The following DDX19B variants were observed in gnomAD, a reference collection of about 807,000 sequenced individuals.
DDX19B encodes the protein ATP-dependent RNA helicase DDX19B.
DDX19B carries 27 observed loss-of-function variants against 58.1 expected under a neutral mutation model. The observed-to-expected ratio is 0.46, with a 90% CI of 0.34 to 0.64. The LOEUF (loss-of-function observed/expected upper bound fraction) is 0.64, where lower values mean the gene tolerates loss of function less well. DDX19B is among the 30% of genes least tolerant of loss of function. The pLI is 0.01. For synonymous variants in DDX19B, 187 were observed against 214.4 expected, an observed-to-expected ratio of 0.87 and a Z score of 1.12; for missense variants, 399 against 596.5, an observed-to-expected ratio of 0.67 and a Z score of 3.45.
At chr16:70,310,081 A>C (rs1189932625) in intron 1 of DDX19B, among the ~76,000 whole-genome samples, 1 of 151,334 alleles carries the variant, frequency 6.6e-6, no homozygotes, top group Non-Finnish European at 1.5e-5. Flanking sequence ...CCAACTCTAC[A>C]ATAAAAGATT....
intron 5 of DDX19B, among the ~76,000 whole-genome samples, chr16:70,318,513 C>G (rs1366073663): frequency 6.6e-6 from 1 of 151,928 alleles, no homozygotes; most frequent in Non-Finnish European, 1.5e-5. Flanking sequence ...ACATATATGA[C>G]CGGGGTGGTG....
chr16:70,327,226 G>A (rs1021274664), intron 7 of DDX19B, among the ~76,000 whole-genome samples: 4 of 151,746 alleles, frequency 2.6e-5, no homozygotes, highest in Non-Finnish European at 4.4e-5. Context: ...GCCACACCCA[G>A]CTAATTTTCT....
chr16:70,298,680 A>G (rs1961323134), upstream of DDX19B, among the ~76,000 whole-genome samples: 1 of 151,808 alleles, frequency 6.6e-6, no homozygotes. Context: ...CATTCTCCTG[A>G]TTCTACAACG....
At chr16:70,321,181 C>T (rs1962784269) in intron 5 of DDX19B, among the ~76,000 whole-genome samples, 3 of 151,900 alleles carry the variant, frequency 2.0e-5, no homozygotes, top group African/African-American at 4.8e-5. Context: ...AGGCTGGTCT[C>T]GAACTCCCAA....
At chr16:70,305,978 T>C (rs532760776) in intron 1 of DDX19B, among the ~76,000 whole-genome samples, 25 of 152,210 alleles carry the variant, frequency 1.6e-4, no homozygotes, top group Middle Eastern at 3.4e-3. Context: ...TTAGCCAGGA[T>C]GGTCTCGATC....
chr16:70,328,652 C>T lies in DDX19B; in HGVS notation c.608-640C>T, dbSNP rs537840381. Among the ~76,000 whole-genome samples, 5 of 151,956 alleles carry T rather than the reference C, an allele frequency of 3.3e-5. No homozygotes were observed. The South Asian group carries it at 6.2e-4, about 19-fold the overall frequency. On this transcript the variant is annotated intron_variant, in intron 7 of 11. Transcript: ENST00000288071. ...TGCTGGGATTACAGGCATGAGCCAC[C>T]GTGCCCGGCCCTTTTAGTTATTTTT...
At chr16:70,333,404 G>C in intron 11 of DDX19B, 117 bp from the exon 12 acceptor site, 2 of 1,449,484 alleles carry the variant, frequency 1.4e-6, no homozygotes, top group Non-Finnish European at 1.9e-6. Context: ...AGTGACTAGG[G>C]GCCCTGCTGC....
At chr16:70,311,716 C>T (rs1962103491) in intron 1 of DDX19B, among the ~76,000 whole-genome samples, 1 of 152,222 alleles carries the variant, frequency 6.6e-6, no homozygotes, top group Non-Finnish European at 1.5e-5. Flanking sequence ...TTCCCAACTA[C>T]AGTATCAGAC....
At chr16:70,294,682 C>T (rs9921477), upstream of DDX19B, 473 of 484,924 alleles carry the variant, frequency 9.8e-4, 3 homozygotes, top group African/African-American at 8.4e-3. Flanking sequence ...GGGAGGCTTG[C>T]GCTTGTCTTT....
chr16:70,322,588 CAAAAAAAAAAAA>C (rs568610716), intron 5 of DDX19B, among the ~76,000 whole-genome samples: 1 of 47,510 alleles, frequency 2.1e-5, no homozygotes, highest in Non-Finnish European at 4.0e-5. Flanking sequence ...GACCTTGTCT[CAAAAAAAAAAAA>C]AAAAAAAAAA....
upstream of DDX19B, among the ~76,000 whole-genome samples, chr16:70,290,991 C>T (rs574993816): frequency 1.3e-4 from 20 of 152,234 alleles, no homozygotes; most frequent in African/African-American, 4.6e-4. Flanking sequence ...ACAGACAATA[C>T]AGAAAAATAC....
chr16:70,308,205 G>T (rs556826114), intron 1 of DDX19B, among the ~76,000 whole-genome samples: 11 of 147,458 alleles, frequency 7.5e-5, no homozygotes, highest in African/African-American at 2.8e-4. Context: ...CACCTGCCTC[G>T]GCCTCCCAAA....
At chr16:70,314,450 C>T (rs1962259130) in intron 2 of DDX19B, among the ~76,000 whole-genome samples, 1 of 152,030 alleles carries the variant, frequency 6.6e-6, no homozygotes, top group South Asian at 2.1e-4. Context: ...ATCACGAGGT[C>T]AAGAGATCAA....
chr16:70,292,759 T>G (rs1429808774), upstream of DDX19B, among the ~76,000 whole-genome samples: 1 of 152,136 alleles, frequency 6.6e-6, no homozygotes. Context: ...ACCAAAGAAC[T>G]GAAATAGTAC....
intron 1 of DDX19B, among the ~76,000 whole-genome samples, chr16:70,300,213 T>A (rs1961418548): frequency 7.6e-6 from 1 of 132,410 alleles, no homozygotes; most frequent in Admixed American, 6.9e-5. Flanking sequence ...GCAACTCCTT[T>A]TTTTTTTTTG....
chr16:70,314,311 C>G (rs775995454), intron 2 of DDX19B, among the ~76,000 whole-genome samples: 1 of 151,902 alleles, frequency 6.6e-6, no homozygotes, highest in Admixed American at 6.6e-5. Context: ...AGTATTGATT[C>G]AATGAGGGAA....
At chr16:70,301,972 G>A (rs1215399458) in intron 1 of DDX19B, among the ~76,000 whole-genome samples, 1 of 150,780 alleles carries the variant, frequency 6.6e-6, no homozygotes, top group African/African-American at 2.4e-5. Context: ...CCAGGCTGGA[G>A]TGCAATGGCA....
intron 1 of DDX19B, among the ~76,000 whole-genome samples, chr16:70,302,693 T>A (rs1256720037): frequency 6.6e-6 from 1 of 152,244 alleles, no homozygotes; most frequent in African/African-American, 2.4e-5. Flanking sequence ...AGAAAGCTAC[T>A]CTATACATTA....
chr16:70,305,938 T>A (rs1033663794), intron 1 of DDX19B, among the ~76,000 whole-genome samples: 5 of 151,930 alleles, frequency 3.3e-5, no homozygotes, highest in African/African-American at 1.2e-4. Flanking sequence ...TTTTTTTGTA[T>A]TTTTTTGGTA....
Sources: gnomAD v4.1 joint callset for allele counts (sites outside exome capture counted in the v4.1 genomes callset) on GRCh38, gnomAD v4.1.1 for gene constraint, MANE v1.5 for transcripts, NCBI Gene and HGNC (gene_info 2026-07-23, HGNC 2026-07-21) for gene names.